The following TBC1D22A variants were observed in gnomAD, a reference collection of about 807,000 sequenced individuals.
The protein encoded by TBC1D22A is putative GTPase activator.
A neutral mutation model predicts 60.2 loss-of-function variants in TBC1D22A; 38 were observed. The ratio of observed to expected loss-of-function variants is 0.63; its 90% CI spans 0.49 to 0.83. The LOEUF (loss-of-function observed/expected upper bound fraction) is 0.83. Among genes scored for constraint, TBC1D22A ranks in the 40% least tolerant of loss-of-function variants. The pLI, the probability that TBC1D22A is intolerant of heterozygous loss-of-function variation, is 0.00. For missense variants in TBC1D22A, 628 were observed against 701.0 expected, an observed-to-expected ratio of 0.90 and a Z score of 1.18; for synonymous variants, 302 against 281.7, an observed-to-expected ratio of 1.07 and a Z score of -0.72.
chr22:46,836,998 A>G (rs2086551755), intron 4 of TBC1D22A, among the ~76,000 whole-genome samples: 1 of 151,636 alleles, frequency 6.6e-6, no homozygotes, highest in African/African-American at 2.4e-5. Flanking sequence ...GTCTCCTAAA[A>G]AAAAAAAAAA....
intron 8 of TBC1D22A, among the ~76,000 whole-genome samples, chr22:46,930,202 G>A (rs2071277736): frequency 2.0e-5 from 3 of 152,250 alleles, no homozygotes; most frequent in African/African-American, 7.2e-5. Flanking sequence ...GACCACGCCG[G>A]CCTGCAGTCT....
chr22:46,893,775 C>T (rs1226826436), intron 6 of TBC1D22A, among the ~76,000 whole-genome samples: 1 of 152,214 alleles, frequency 6.6e-6, no homozygotes, highest in Non-Finnish European at 1.5e-5. Flanking sequence ...CCTCCTCTTC[C>T]TCCTCCTCCT....
intron 11 of TBC1D22A, among the ~76,000 whole-genome samples, chr22:47,052,527 A>G (rs2063259536): frequency 6.6e-6 from 1 of 152,288 alleles, no homozygotes; most frequent in Admixed American, 6.5e-5. Context: ...ACCCTCCCAC[A>G]GTGGGGAGGG....
At chr22:47,039,300 A>T (rs1448402407) in intron 11 of TBC1D22A, among the ~76,000 whole-genome samples, 1 of 152,204 alleles carries the variant, frequency 6.6e-6, no homozygotes, top group Admixed American at 6.5e-5. Flanking sequence ...ATATCTTAAG[A>T]ATCGGGGGTA....
At chr22:46,891,850 C>T (rs2068426467) in intron 6 of TBC1D22A, among the ~76,000 whole-genome samples, 1 of 152,150 alleles carries the variant, frequency 6.6e-6, no homozygotes, top group African/African-American at 2.4e-5. Context: ...GATACCGACC[C>T]AGGAAAGGTG....
intron 4 of TBC1D22A, among the ~76,000 whole-genome samples, chr22:46,860,834 C>T (rs959602301): frequency 2.0e-5 from 3 of 152,158 alleles, no homozygotes; most frequent in Admixed American, 6.5e-5. Flanking sequence ...GTAAATTACA[C>T]GAGTGTTTCC....
At chr22:46,790,576 G>A (rs1831751173) in intron 1 of TBC1D22A, among the ~76,000 whole-genome samples, 1 of 152,000 alleles carries the variant, frequency 6.6e-6, no homozygotes, top group Non-Finnish European at 1.5e-5. Flanking sequence ...AGAAAGTGGT[G>A]AGCACCTCAT....
intron 5 of TBC1D22A, among the ~76,000 whole-genome samples, chr22:46,880,739 A>T (rs944219446): frequency 1.3e-5 from 2 of 151,802 alleles, no homozygotes; most frequent in African/African-American, 4.8e-5. Flanking sequence ...CTAAGAGGGG[A>T]CTTCACACCT....
intron 10 of TBC1D22A, among the ~76,000 whole-genome samples, chr22:47,006,540 C>A (rs2061597076): frequency 6.6e-6 from 1 of 152,270 alleles, no homozygotes; most frequent in Admixed American, 6.5e-5. Context: ...AGCACATCTT[C>A]TGTGGCCGTC....
chr22:47,173,712 C>A lies in TBC1D22A; in HGVS notation c.*86C>A. Reference sequence around the variant, plus strand: ...GGTGGTAGGCCCCTGTGAGCTGGTCCCGGGCTGCTAAAAGGCCTTGTGAGG... The same window carrying A: ...GGTGGTAGGCCCCTGTGAGCTGGTCACGGGCTGCTAAAAGGCCTTGTGAGG... On this transcript the variant is annotated 3_prime_UTR_variant, in exon 13 of 13. Coordinates refer to ENST00000337137, the MANE Select transcript of TBC1D22A (RefSeq NM_014346.5). 1 of 1,587,552 alleles carries A rather than the reference C, an allele frequency of 6.3e-7. No individual in the cohort carries two copies. Among genetic ancestry groups the A allele is most frequent in the Non-Finnish European group, 8.6e-7 (1 of 1,165,498 alleles).
chr22:46,910,709 G>A (rs1423268102), intron 7 of TBC1D22A, among the ~76,000 whole-genome samples: 1 of 152,120 alleles, frequency 6.6e-6, no homozygotes, highest in African/African-American at 2.4e-5. Flanking sequence ...GGAGGGAACA[G>A]GTGGCAGCAG....
intron 11 of TBC1D22A, among the ~76,000 whole-genome samples, chr22:47,101,885 C>T (rs551584449): frequency 6.6e-6 from 1 of 152,310 alleles, no homozygotes; most frequent in African/African-American, 2.4e-5. Flanking sequence ...TGCCCTTGCT[C>T]CAGTGACGTC....
At chr22:46,910,150 TTCCTC>T (rs1391094588) in intron 7 of TBC1D22A, among the ~76,000 whole-genome samples, 39 of 152,338 alleles carry the variant, frequency 2.6e-4, no homozygotes, top group African/African-American at 9.4e-4. Flanking sequence ...CGCGAACATA[TTCCTC>T]ATTCCACCCG....
intron 9 of TBC1D22A, among the ~76,000 whole-genome samples, chr22:46,986,949 C>T (rs1009058552): frequency 2.6e-5 from 4 of 152,146 alleles, no homozygotes; most frequent in African/African-American, 4.8e-5. Context: ...AAGAGCCTGG[C>T]GCCCTGGGCC....
At chr22:46,965,463 C>T (rs934907437) in intron 8 of TBC1D22A, among the ~76,000 whole-genome samples, 2 of 152,212 alleles carry the variant, frequency 1.3e-5, no homozygotes, top group Non-Finnish European at 2.9e-5. Flanking sequence ...CGGCAGAGCT[C>T]TGTGGGTTTT....
intron 11 of TBC1D22A, among the ~76,000 whole-genome samples, chr22:47,070,479 C>T (rs879070785): frequency 2.3e-5 from 3 of 132,886 alleles, no homozygotes; most frequent in Non-Finnish European, 3.2e-5. Context: ...GCTGACCTGA[C>T]GGTTCCAGGC....
At chr22:46,885,497 A>G (rs1408442041) in intron 5 of TBC1D22A, among the ~76,000 whole-genome samples, 3 of 152,220 alleles carry the variant, frequency 2.0e-5, no homozygotes, top group African/African-American at 7.2e-5. Flanking sequence ...ACCTGCGGGT[A>G]TGGCAATTCG....
chr22:46,935,256 C>CT (rs2071578273), intron 8 of TBC1D22A, among the ~76,000 whole-genome samples: 1 of 152,242 alleles, frequency 6.6e-6, no homozygotes, highest in Non-Finnish European at 1.5e-5. Flanking sequence ...ATTCAGAGGG[C>CT]TGGGACGAAG....
chr22:46,996,660 T>A (rs560375792), intron 9 of TBC1D22A, among the ~76,000 whole-genome samples: 1 of 152,302 alleles, frequency 6.6e-6, no homozygotes, highest in African/African-American at 2.4e-5. Context: ...GTTGAAACCC[T>A]CCTTCTGAAA....
Sources: gnomAD v4.1 joint callset for allele counts (sites outside exome capture counted in the v4.1 genomes callset) on GRCh38, gnomAD v4.1.1 for gene constraint, MANE v1.5 for transcripts, NCBI Gene and HGNC (gene_info 2026-07-23, HGNC 2026-07-21) for gene names.